Variants in RANBP2 observed in about 807,000 individuals in gnomAD.
RANBP2 encodes the protein RAN binding protein 2.
Under a neutral mutation model 303.6 loss-of-function variants are expected in RANBP2, and 57 were observed. That is an observed-to-expected ratio of 0.19 (90% CI 0.15 to 0.23). RANBP2 has a LOEUF of 0.23. Among genes scored for constraint, RANBP2 ranks in the 10% least tolerant of loss-of-function variants. The pLI is 1.00. For synonymous variants in RANBP2, 1,167 were observed against 1,301.5 expected (o/e 0.90, Z 2.23); for missense variants, 3,138 against 3,780.8 (o/e 0.83, Z 4.46).
At chr2:109,303,455 A>G in the RANBP2 span, among the ~76,000 whole-genome samples, 4 of 152,246 alleles carry the variant, frequency 2.6e-5, no homozygotes, top group East Asian at 7.7e-4. Context: ...GGTACATGGC[A>G]GAACACTAAG....
At chr2:108,952,654 G>T in the RANBP2 span, among the ~76,000 whole-genome samples, 1 of 152,250 alleles carries the variant, frequency 6.6e-6, no homozygotes, top group South Asian at 2.1e-4. Flanking sequence ...ATATTAATAT[G>T]AGTTATTCTA....
the RANBP2 span, among the ~76,000 whole-genome samples, chr2:109,163,345 A>G: frequency 6.6e-6 from 1 of 150,444 alleles, no homozygotes; most frequent in African/African-American, 2.5e-5. Flanking sequence ...AGGGCCATCA[A>G]AGGGCGGACT....
At chr2:109,661,582 A>C in the RANBP2 span, among the ~76,000 whole-genome samples, 1 of 152,276 alleles carries the variant, frequency 6.6e-6, no homozygotes, top group Admixed American at 6.5e-5. Flanking sequence ...TGGGAGTGTC[A>C]CAAACTTTTG....
chr2:109,347,443 T>C, the RANBP2 span, among the ~76,000 whole-genome samples: 1 of 152,072 alleles, frequency 6.6e-6, no homozygotes, highest in Admixed American at 6.5e-5. Context: ...GACAGTGTCC[T>C]TTTTAGGAGG....
rs1414788308 is a variant in RANBP2 at position 108,749,749 on chromosome 2, G to A, written c.1273+620G>A. ...TGGTACCATAGGCACATGCCACTCG[G>A]CCCAGATAATTTTTTTTTTTAATTG... On this transcript the variant is annotated intron_variant, in intron 9 of 28. Transcript: ENST00000283195. Among the ~76,000 whole-genome samples, 5 of 152,188 alleles carry A rather than the reference G, an allele frequency of 3.3e-5. No individual in the cohort carries two copies. In the East Asian group the frequency reaches 9.7e-4, roughly 30 times the overall value.
the RANBP2 span, among the ~76,000 whole-genome samples, chr2:109,707,710 G>C: frequency 7.1e-3 from 1,086 of 152,304 alleles, 5 homozygotes; most frequent in Middle Eastern, 0.02. Flanking sequence ...CTGGTTGTTC[G>C]ATAGTTTGAA....
At chr2:108,979,920 G>A in the RANBP2 span, among the ~76,000 whole-genome samples, 1 of 152,076 alleles carries the variant, frequency 6.6e-6, no homozygotes, top group Non-Finnish European at 1.5e-5. Context: ...TGGGAAGCAG[G>A]GTGCTGTGGC....
chr2:109,400,226 G>A, the RANBP2 span, among the ~76,000 whole-genome samples: 2 of 151,548 alleles, frequency 1.3e-5, no homozygotes, highest in Non-Finnish European at 2.9e-5. Context: ...ACACATGCAC[G>A]CACACACACA....
chr2:109,073,165 G>A, the RANBP2 span, among the ~76,000 whole-genome samples: 2 of 152,190 alleles, frequency 1.3e-5, no homozygotes, highest in Non-Finnish European at 2.9e-5. Flanking sequence ...GAGGTCAGGA[G>A]AGCAATGCAT....
At chr2:109,545,111 A>G in the RANBP2 span, 1 of 985,424 alleles carries the variant, frequency 1.0e-6, no homozygotes. Flanking sequence ...ATGCAGTGAG[A>G]GCATTAAACC....
chr2:109,346,261 A>C, the RANBP2 span, among the ~76,000 whole-genome samples: 1 of 152,112 alleles, frequency 6.6e-6, no homozygotes, highest in African/African-American at 2.4e-5. Flanking sequence ...GCTGTTTGTC[A>C]ATTTGCCAGC....
At chr2:109,028,661 C>G in the RANBP2 span, among the ~76,000 whole-genome samples, 1 of 152,214 alleles carries the variant, frequency 6.6e-6, no homozygotes, top group Admixed American at 6.5e-5. Context: ...ACAGGCCCTC[C>G]GAGGGTGGCA....
the RANBP2 span, among the ~76,000 whole-genome samples, chr2:109,225,854 C>T: frequency 6.6e-6 from 1 of 152,238 alleles, no homozygotes; most frequent in Non-Finnish European, 1.5e-5. Flanking sequence ...TAGCCTTGAC[C>T]TCCTGGGATG....
chr2:109,106,649 A>G, the RANBP2 span, among the ~76,000 whole-genome samples: 1 of 152,066 alleles, frequency 6.6e-6, no homozygotes, highest in Non-Finnish European at 1.5e-5. Context: ...ATCCTGGCTG[A>G]CACGGTGAAA....
the RANBP2 span, among the ~76,000 whole-genome samples, chr2:109,643,585 C>G: frequency 6.6e-6 from 1 of 151,848 alleles, no homozygotes; most frequent in Non-Finnish European, 1.5e-5. Flanking sequence ...CGTGGTGAAA[C>G]CCCATCTCTA....
the RANBP2 span, among the ~76,000 whole-genome samples, chr2:108,924,868 C>T: frequency 3.3e-5 from 5 of 152,250 alleles, no homozygotes; most frequent in East Asian, 3.8e-4. Context: ...GTGTCTGCCA[C>T]GTGGCCTTGT....
chr2:108,849,338 AAC>A, the RANBP2 span, among the ~76,000 whole-genome samples: 2 of 152,184 alleles, frequency 1.3e-5, no homozygotes, highest in African/African-American at 4.8e-5. Flanking sequence ...GAAAACTATA[AAC>A]ACACAAATCC....
chr2:108,868,664 T>C, the RANBP2 span, among the ~76,000 whole-genome samples: 1 of 152,196 alleles, frequency 6.6e-6, no homozygotes, highest in Non-Finnish European at 1.5e-5. Context: ...GGAAACCTTT[T>C]GCTTTTCTTC....
chr2:109,432,372 G>T, the RANBP2 span: 3 of 1,173,582 alleles, frequency 2.6e-6, no homozygotes, highest in East Asian at 2.6e-5. Context: ...AAACTGCAGA[G>T]CCCCCATAGA....
Sources: gnomAD v4.1 joint callset for allele counts (sites outside exome capture counted in the v4.1 genomes callset) on GRCh38, gnomAD v4.1.1 for gene constraint, MANE v1.5 for transcripts, NCBI Gene and HGNC (gene_info 2026-07-23, HGNC 2026-07-21) for gene names.